Variants in CDC42SE2 observed in about 807,000 individuals in gnomAD.
CDC42SE2 encodes CDC42 small effector 2.
A neutral mutation model predicts 11.5 loss-of-function variants in CDC42SE2; 3 were observed. The ratio of observed to expected loss-of-function variants is 0.26; its 90% confidence interval spans 0.12 to 0.67. The LOEUF is 0.67. CDC42SE2 is among the 30% of genes least tolerant of loss of function. CDC42SE2 has a pLI of 0.80. For missense variants in CDC42SE2, 82 were observed against 106.8 expected (o/e 0.77, Z 1.02); for synonymous variants, 33 against 34.8 (o/e 0.95, Z 0.18).
At chr5:131,359,781 GTTC>G (rs781748147) in intron 3 of CDC42SE2, among the ~76,000 whole-genome samples, 9 of 152,160 alleles carry the variant, frequency 5.9e-5, no homozygotes, top group Non-Finnish European at 1.3e-4. Flanking sequence ...GAGAGGAGGT[GTTC>G]TTCTGTCAAA....
chr5:131,306,224 C>T (rs1306622158), intron 1 of CDC42SE2, among the ~76,000 whole-genome samples: 2 of 152,100 alleles, frequency 1.3e-5, no homozygotes, highest in African/African-American at 4.8e-5. Flanking sequence ...ATGCTACCTG[C>T]TCATTAGTCA....
chr5:131,243,823 G>T (rs1172417076), upstream of CDC42SE2, among the ~76,000 whole-genome samples: 1 of 152,190 alleles, frequency 6.6e-6, no homozygotes, highest in East Asian at 1.9e-4. Context: ...CGGATGAATT[G>T]TCTGAGCTGA....
At chr5:131,336,433 C>T (rs1240875822) in intron 2 of CDC42SE2, among the ~76,000 whole-genome samples, 1 of 152,176 alleles carries the variant, frequency 6.6e-6, no homozygotes, top group Non-Finnish European at 1.5e-5. Context: ...TTTGATGAAT[C>T]TGACAATTAC....
At chr5:131,342,097 T>G (rs1053872555) in intron 2 of CDC42SE2, among the ~76,000 whole-genome samples, 6 of 151,750 alleles carry the variant, frequency 4.0e-5, no homozygotes, top group Non-Finnish European at 7.4e-5. Context: ...CTGGCCAACA[T>G]GGTGATACCC....
the CDC42SE2 span, among the ~76,000 whole-genome samples, chr5:131,218,671 A>G: frequency 6.6e-6 from 1 of 152,244 alleles, no homozygotes; most frequent in Non-Finnish European, 1.5e-5. Context: ...GATACTATAC[A>G]GCAATGAGAA....
chr5:131,330,645 C>A (rs184649817), intron 2 of CDC42SE2, among the ~76,000 whole-genome samples: 11 of 151,998 alleles, frequency 7.2e-5, no homozygotes, highest in African/African-American at 2.2e-4. Context: ...GGGTACTGTT[C>A]GTGTCTAGTG....
chr5:131,278,306 T>C (rs568814523), intron 1 of CDC42SE2, among the ~76,000 whole-genome samples: 1 of 152,284 alleles, frequency 6.6e-6, no homozygotes, highest in South Asian at 2.1e-4. Flanking sequence ...TGAGTGATTT[T>C]AGTGTATTAA....
chr5:131,295,827 C>A (rs1053603045), intron 1 of CDC42SE2, among the ~76,000 whole-genome samples: 2 of 151,992 alleles, frequency 1.3e-5, no homozygotes, highest in African/African-American at 2.4e-5. Context: ...GGACTACAGG[C>A]GCCCGCCACC....
chr5:131,314,207 A>G (rs1202395807), intron 1 of CDC42SE2, among the ~76,000 whole-genome samples: 2 of 151,470 alleles, frequency 1.3e-5, no homozygotes, highest in Non-Finnish European at 2.9e-5. Flanking sequence ...TACACTACAA[A>G]TGAAATTATT....
intron 2 of CDC42SE2, among the ~76,000 whole-genome samples, chr5:131,358,118 G>T (rs1242712470): frequency 1.3e-5 from 2 of 152,164 alleles, no homozygotes; most frequent in Admixed American, 1.3e-4. Flanking sequence ...TCATGATACC[G>T]TTTTGCCTAG....
the CDC42SE2 span, among the ~76,000 whole-genome samples, chr5:131,239,154 T>G: frequency 6.7e-6 from 1 of 150,248 alleles, no homozygotes; most frequent in African/African-American, 2.5e-5. Flanking sequence ...AGACAGACTC[T>G]GTCTCAAAAA....
intron 2 of CDC42SE2, among the ~76,000 whole-genome samples, chr5:131,340,758 C>G (rs1345731418): frequency 6.6e-6 from 1 of 151,660 alleles, no homozygotes; most frequent in Non-Finnish European, 1.5e-5. Flanking sequence ...GATCTTAGTC[C>G]ATTGCAGCCT....
Position 131,359,781 on chromosome 5 carries a change from G to A in CDC42SE2, c.54+234G>A, listed in dbSNP as rs148425179. Among the ~76,000 whole-genome samples, 298 of 152,274 alleles carry A rather than the reference G, an allele frequency of 2.0e-3. 1 individual carries two copies. The highest frequency in any genetic ancestry group is 6.9e-3 in the African/African-American group (287 of 41,562). On this transcript the variant is annotated intron_variant, in intron 3 of 4. Transcript: ENST00000505065. Reference sequence around the variant, plus strand: ...TCATCGTACATGACTGAGAGGAGGTGTTCTTCTGTCAAATAGCTTCTGGAG... The same window carrying A: ...TCATCGTACATGACTGAGAGGAGGTATTCTTCTGTCAAATAGCTTCTGGAG...
chr5:131,326,106 A>ATT lies in CDC42SE2; in HGVS notation c.-286+9977_-286+9978dup, dbSNP rs552218201. On this transcript the variant is annotated intron_variant, in intron 2 of 4. Transcript: ENST00000505065. ...GTAATATATTTAGTTTACAAACGAG[A>ATT]TTTTTTTTTTTTTTTTGAGACGGAG... 6.5e-4 allele frequency among the ~76,000 whole-genome samples: 93 copies of ATT among 143,478 alleles called. 4 individuals are homozygous for ATT. In the South Asian group the frequency reaches 0.018, roughly 28 times the overall value. The allele number at this position is 143,478 out of a possible 152,430, so 94.1% of individuals were successfully genotyped here. A position where few individuals can be genotyped will look rare whatever the true frequency, so the allele number is the denominator to read the frequency against.
chr5:131,216,236 C>T, the CDC42SE2 span, among the ~76,000 whole-genome samples: 3 of 152,122 alleles, frequency 2.0e-5, no homozygotes. Flanking sequence ...GCACCTCACG[C>T]CTGTAATCCC....
intron 2 of CDC42SE2, among the ~76,000 whole-genome samples, chr5:131,348,597 C>T (rs1188265351): frequency 1.3e-5 from 2 of 152,154 alleles, no homozygotes; most frequent in Non-Finnish European, 2.9e-5. Flanking sequence ...ATGCCATCCC[C>T]ATCAATCTAC....
At chr5:131,315,317 C>T (rs1758018479) in intron 1 of CDC42SE2, among the ~76,000 whole-genome samples, 1 of 152,096 alleles carries the variant, frequency 6.6e-6, no homozygotes, top group Non-Finnish European at 1.5e-5. Context: ...CTCTTAAGTC[C>T]ATGTTTGTTA....
intron 3 of CDC42SE2, among the ~76,000 whole-genome samples, chr5:131,384,206 GGTT>G (rs1274372558): frequency 1.3e-5 from 2 of 152,170 alleles, no homozygotes; most frequent in Non-Finnish European, 2.9e-5. Context: ...GGTTTTTTGT[GGTT>G]GTTGTTTCTA....
At chr5:131,374,528 C>CAA (rs11311226) in intron 3 of CDC42SE2, among the ~76,000 whole-genome samples, 122 of 70,360 alleles carry the variant, frequency 1.7e-3, no homozygotes, top group African/African-American at 4.3e-3. Context: ...GAGACTGTCT[C>CAA]AAAAAAAAAA....
Sources: gnomAD v4.1 joint callset for allele counts (sites outside exome capture counted in the v4.1 genomes callset) on GRCh38, gnomAD v4.1.1 for gene constraint, MANE v1.5 for transcripts, NCBI Gene and HGNC (gene_info 2026-07-23, HGNC 2026-07-21) for gene names.